BFAR: variants seen among roughly 807,000 people sequenced by gnomAD.
BFAR encodes the protein bifunctional apoptosis regulator.
A neutral mutation model predicts 54.4 loss-of-function variants in BFAR; 52 were observed. That is an observed-to-expected ratio of 0.96 (90% CI 0.77 to 1.21). BFAR has a LOEUF of 1.21. BFAR is among the 50% of genes most tolerant of loss of function. The pLI is 0.00. For missense variants in BFAR, 571 were observed against 534.0 expected (o/e 1.07, Z -0.68); for synonymous variants, 215 against 204.3 (o/e 1.05, Z -0.45).
chr16:14,636,903 C>T (rs1403062657), intron 1 of BFAR, among the ~76,000 whole-genome samples: 1 of 152,194 alleles, frequency 6.6e-6, no homozygotes, highest in African/African-American at 2.4e-5. Context: ...TAACAAAGCA[C>T]ATCTTGTACC....
At chr16:14,640,806 C>T (rs940076205) in intron 1 of BFAR, among the ~76,000 whole-genome samples, 2 of 152,206 alleles carry the variant, frequency 1.3e-5, no homozygotes, top group African/African-American at 4.8e-5. Flanking sequence ...GGAGTTGGCC[C>T]CTTCTGAGAG....
chr16:14,658,197 A>G (rs1263232062), intron 5 of BFAR, among the ~76,000 whole-genome samples: 2 of 152,308 alleles, frequency 1.3e-5, no homozygotes, highest in East Asian at 3.9e-4. Context: ...GATGTGCTGG[A>G]TTTTTTAGTC....
chr16:14,646,136 C>T (rs1044085730), intron 2 of BFAR, among the ~76,000 whole-genome samples: 1 of 152,188 alleles, frequency 6.6e-6, no homozygotes, highest in Non-Finnish European at 1.5e-5. Flanking sequence ...ACCACAACCT[C>T]TCCCTCTCAG....
chr16:14,640,839 C>T (rs528062999), intron 1 of BFAR, among the ~76,000 whole-genome samples: 2 of 152,330 alleles, frequency 1.3e-5, no homozygotes, highest in South Asian at 4.1e-4. Flanking sequence ...TATAGACTGC[C>T]TTCTAGAAAC....
At chr16:14,650,333 AAG>A (rs898994476) in intron 4 of BFAR, 250 of 175,526 alleles carry the variant, frequency 1.4e-3, no homozygotes, top group Non-Finnish European at 2.1e-3. Flanking sequence ...CCATCTCAAA[AAG>A]AGAGAGAGAG....
chr16:14,650,593 G>A (rs931786075), intron 4 of BFAR: 5 of 152,148 alleles, frequency 3.3e-5, no homozygotes, highest in South Asian at 2.1e-4. Context: ...CATACAATGC[G>A]TGGTATTTTG....
chr16:14,651,758 G>T (rs1454126796), intron 4 of BFAR, among the ~76,000 whole-genome samples: 3 of 151,924 alleles, frequency 2.0e-5, no homozygotes, highest in Non-Finnish European at 4.4e-5. Context: ...GTGATTATAG[G>T]CATGAGCCCC....
chr16:14,637,525 T>C (rs975774500), intron 1 of BFAR, among the ~76,000 whole-genome samples: 2 of 152,192 alleles, frequency 1.3e-5, no homozygotes, highest in Non-Finnish European at 2.9e-5. Flanking sequence ...CTTAATATTA[T>C]AAGGCCTCCG....
At chr16:14,638,949 GAAAAA>G (rs954746754) in intron 1 of BFAR, among the ~76,000 whole-genome samples, 1 of 113,946 alleles carries the variant, frequency 8.8e-6, no homozygotes, top group African/African-American at 3.3e-5. Flanking sequence ...GTCTCAAAAA[GAAAAA>G]AAAAAAAAGA....
chr16:14,644,299 C>T lies in BFAR; in HGVS notation c.-48C>T. 1 of 1,541,306 alleles carries T rather than the reference C, an allele frequency of 6.5e-7. No homozygotes were observed. Among genetic ancestry groups the T allele is most frequent in the Non-Finnish European group, 8.8e-7 (1 of 1,134,102 alleles). On this transcript the variant is annotated 5_prime_UTR_variant, in exon 2 of 8. Coordinates refer to ENST00000261658, the MANE Select transcript of BFAR (RefSeq NM_016561.3). ...ATTAATGATGTTTTGCAGCAGTTTT[C>T]TACGTCTGAAATTTTTTATGTCTCT...
intron 2 of BFAR, 128 bp from the exon 3 acceptor site, chr16:14,648,260 T>C (rs1036334933): frequency 2.8e-6 from 2 of 709,116 alleles, no homozygotes; most frequent in East Asian, 2.6e-5. Context: ...AGGACTATAA[T>C]ACATTTCTTG....
intron 4 of BFAR, 33 bp from the exon 5 acceptor site, chr16:14,655,033 T>C: frequency 6.3e-7 from 1 of 1,576,690 alleles, no homozygotes; most frequent in East Asian, 2.3e-5. Flanking sequence ...CAGTATATAA[T>C]CGCAAAATAA....
intron 6 of BFAR, among the ~76,000 whole-genome samples, chr16:14,664,471 G>T (rs573653600): frequency 6.6e-6 from 1 of 151,428 alleles, no homozygotes; most frequent in Non-Finnish European, 1.5e-5. Context: ...GTGTGTGTGT[G>T]TGTGGTAATC....
At chr16:14,653,343 T>G (rs751506771) in intron 4 of BFAR, among the ~76,000 whole-genome samples, 9 of 152,202 alleles carry the variant, frequency 5.9e-5, no homozygotes, top group Non-Finnish European at 8.8e-5. Context: ...ATTTTTATTT[T>G]TTTGAGACAG....
intron 1 of BFAR, among the ~76,000 whole-genome samples, chr16:14,639,380 T>C (rs915367291): frequency 6.6e-6 from 1 of 152,032 alleles, no homozygotes; most frequent in Non-Finnish European, 1.5e-5. Context: ...CAATCTTGTA[T>C]CACTGCATCC....
At chr16:14,657,068 A>C (rs892723982) in intron 5 of BFAR, among the ~76,000 whole-genome samples, 1 of 151,964 alleles carries the variant, frequency 6.6e-6, no homozygotes, top group Non-Finnish European at 1.5e-5. Context: ...GTGCCACTGC[A>C]CTCCAGCCTG....
chr16:14,663,283 C>G (rs1444635947), intron 6 of BFAR, among the ~76,000 whole-genome samples: 5 of 147,988 alleles, frequency 3.4e-5, no homozygotes, highest in Admixed American at 3.4e-4. Flanking sequence ...CACCTGGCAC[C>G]CAGCCCTTCA....
chr16:14,633,725 T>C (rs1200307577), intron 1 of BFAR, among the ~76,000 whole-genome samples: 1 of 152,222 alleles, frequency 6.6e-6, no homozygotes, highest in Admixed American at 6.5e-5. Flanking sequence ...CAATCTCGGC[T>C]CACTGCAACC....
intron 2 of BFAR, among the ~76,000 whole-genome samples, chr16:14,647,233 C>T (rs551275268): frequency 6.6e-6 from 1 of 152,070 alleles, no homozygotes; most frequent in African/African-American, 2.4e-5. Context: ...TACAGGCGCC[C>T]ACCACCACAC....
Sources: gnomAD v4.1 joint callset for allele counts (sites outside exome capture counted in the v4.1 genomes callset) on GRCh38, gnomAD v4.1.1 for gene constraint, MANE v1.5 for transcripts, NCBI Gene and HGNC (gene_info 2026-07-23, HGNC 2026-07-21) for gene names.